Variants in RNF157 observed in about 807,000 individuals in gnomAD.
RNF157 encodes the protein E3 ubiquitin ligase RNF157.
Under a neutral mutation model 88.3 loss-of-function variants are expected in RNF157, and 55 were observed. The observed-to-expected ratio is 0.62, with a 90% confidence interval of 0.50 to 0.78. The LOEUF (loss-of-function observed/expected upper bound fraction) is 0.78. Ranked by LOEUF, RNF157 falls within the 30% of genes least tolerant of loss-of-function variation. RNF157 has a pLI of 0.00. For missense variants in RNF157, 788 were observed against 860.8 expected (o/e 0.92, Z 1.06); for synonymous variants, 334 against 341.2 (o/e 0.98, Z 0.23).
At chr17:76,181,491 G>A (rs2069186832) in intron 2 of RNF157, among the ~76,000 whole-genome samples, 1 of 152,178 alleles carries the variant, frequency 6.6e-6, no homozygotes, top group Admixed American at 6.5e-5. Context: ...GGTGATGTCA[G>A]AGAACACTGC....
At chr17:76,232,159 G>A (rs991280910) in intron 1 of RNF157, among the ~76,000 whole-genome samples, 3 of 152,154 alleles carry the variant, frequency 2.0e-5, no homozygotes, top group African/African-American at 7.2e-5. Flanking sequence ...GAGGCTGAAG[G>A]ATGGCTCAAG....
intron 2 of RNF157, among the ~76,000 whole-genome samples, chr17:76,189,231 T>C (rs2069342701): frequency 1.3e-5 from 2 of 152,232 alleles, no homozygotes; most frequent in Non-Finnish European, 1.5e-5. Context: ...TCTGGATAAA[T>C]GTGTTGCAGT....
At chr17:76,173,869 A>G (rs777471337) in intron 2 of RNF157, 79 bp from the exon 3 acceptor site, 1 of 1,222,686 alleles carries the variant, frequency 8.2e-7, no homozygotes, top group Admixed American at 2.0e-5. Flanking sequence ...GTTTGCCAAG[A>G]ATAGCCCTAA....
chr17:76,162,618 G>T lies in RNF157; in HGVS notation c.726C>A (p.Asp242Glu), dbSNP rs750091733. Residue 242 changes from aspartate to glutamate, a missense_variant, in exon 9 of 19, where the codon GAC becomes GAA. Coordinates refer to ENST00000269391, the MANE Select transcript of RNF157 (RefSeq NM_052916.3). ...VKPLKQKQVV[D>E]GVSYLLQEIY... ...TCTCCTGAAGGAGGTAGCTGACCCC[G>T]TCTACCTGAACAGCAAACAGAAAGG... The T allele has an allele frequency of 6.2e-7, 1 of 1,610,230 alleles. No homozygotes were observed. Among genetic ancestry groups the T allele is most frequent in the African/African-American group, 1.3e-5 (1 of 74,764 alleles).
chr17:76,216,554 C>T (rs2069891704), intron 1 of RNF157, among the ~76,000 whole-genome samples: 1 of 149,892 alleles, frequency 6.7e-6, no homozygotes, highest in Non-Finnish European at 1.5e-5. Flanking sequence ...CAAGACCAGC[C>T]TAGGCAACAT....
intron 1 of RNF157, among the ~76,000 whole-genome samples, chr17:76,213,980 A>T (rs2069846399): frequency 6.6e-6 from 1 of 152,062 alleles, no homozygotes; most frequent in African/African-American, 2.4e-5. Flanking sequence ...TATCCTTTGT[A>T]ATATCCTTGA....
In RNF157 at chr17:76,169,579, G is replaced by GTTT. The variant is rs558817508; in HGVS notation, c.297-1785_297-1783dup. Among the ~76,000 whole-genome samples, 932 of 133,458 alleles carry GTTT rather than the reference G, an allele frequency of 7.0e-3. 12 individuals are homozygous for GTTT. Among genetic ancestry groups the GTTT allele is most frequent in the African/African-American group, 0.025 (871 of 35,530 alleles). 87.6% of individuals were successfully genotyped at this position (133,458 alleles called of 152,430 possible). On this transcript the variant is annotated intron_variant, in intron 3 of 18. Transcript: ENST00000269391. ...GAGCCACCACACCCGGCCTAGTTAG[G>GTTT]TTTTTTTTTTTTTTTTTTGAGATGA... is the stretch of plus-strand genomic sequence containing the variant.
chr17:76,166,700 T>TTA (rs1235888506), intron 5 of RNF157, among the ~76,000 whole-genome samples, 173 bp from the exon 6 acceptor site: 4 of 152,218 alleles, frequency 2.6e-5, no homozygotes, highest in African/African-American at 9.6e-5. Flanking sequence ...AGCTGCTTTT[T>TTA]AAAAATGTCA....
chr17:76,214,659 A>G (rs2069858603), intron 1 of RNF157, among the ~76,000 whole-genome samples: 1 of 152,218 alleles, frequency 6.6e-6, no homozygotes, highest in Non-Finnish European at 1.5e-5. Flanking sequence ...CTCCACCTCA[A>G]ATTCATTAAC....
At chr17:76,208,627 T>A (rs1428654664) in intron 2 of RNF157, among the ~76,000 whole-genome samples, 1 of 152,208 alleles carries the variant, frequency 6.6e-6, no homozygotes, top group Non-Finnish European at 1.5e-5. Flanking sequence ...TACATTTTTA[T>A]GCAGCTATAT....
At chr17:76,221,756 G>A (rs891606244) in intron 1 of RNF157, among the ~76,000 whole-genome samples, 10 of 152,270 alleles carry the variant, frequency 6.6e-5, no homozygotes, top group African/African-American at 2.2e-4. Flanking sequence ...GGAAACAAAT[G>A]TCAAACAACA....
At chr17:76,200,019 C>T (rs1055800401) in intron 2 of RNF157, among the ~76,000 whole-genome samples, 3 of 151,862 alleles carry the variant, frequency 2.0e-5, no homozygotes, top group South Asian at 2.1e-4. Flanking sequence ...GGGCGGATCA[C>T]GAGGTCAGGA....
intron 9 of RNF157, 127 bp from the exon 10 acceptor site, chr17:76,162,129 G>A: frequency 1.0e-6 from 1 of 953,408 alleles, no homozygotes; most frequent in Non-Finnish European, 1.5e-6. Flanking sequence ...CATTGACATT[G>A]GACTTTGTCA....
At chr17:76,211,851 T>C (rs2145024194) in intron 2 of RNF157, 1 of 152,518 alleles carries the variant, frequency 6.6e-6, no homozygotes, top group South Asian at 2.1e-4. Context: ...TGTATTCTCA[T>C]ATCAACTCAT....
chr17:76,162,074 C>G, intron 9 of RNF157, 72 bp from the exon 10 acceptor site: 1 of 1,491,096 alleles, frequency 6.7e-7, no homozygotes, highest in Non-Finnish European at 9.2e-7. Context: ...GACAAGGCAG[C>G]GTGGCTGAAG....
chr17:76,233,095 T>C (rs1456524995), intron 1 of RNF157, among the ~76,000 whole-genome samples: 6 of 152,102 alleles, frequency 3.9e-5, no homozygotes, highest in Non-Finnish European at 8.8e-5. Context: ...TAATTTTTTG[T>C]ATTTTTAGCA....
intron 3 of RNF157, among the ~76,000 whole-genome samples, chr17:76,168,310 C>A (rs1409728275): frequency 1.3e-5 from 2 of 152,188 alleles, no homozygotes; most frequent in African/African-American, 2.4e-5. Flanking sequence ...AGTGTAGCTG[C>A]ATCATGATTT....
chr17:76,165,919 C>T (rs2068916808), intron 6 of RNF157, among the ~76,000 whole-genome samples: 1 of 152,096 alleles, frequency 6.6e-6, no homozygotes, highest in Non-Finnish European at 1.5e-5. Context: ...TTCAGGTGAT[C>T]TGCCCGCCTC....
intron 2 of RNF157, among the ~76,000 whole-genome samples, chr17:76,205,149 T>A (rs1349806274): frequency 6.6e-6 from 1 of 151,236 alleles, no homozygotes; most frequent in Non-Finnish European, 1.5e-5. Flanking sequence ...TTCTTTCTTT[T>A]TTTTTTTTTG....
Sources: allele counts gnomAD v4.1 joint callset (sites outside exome capture counted in the v4.1 genomes callset), GRCh38; gene constraint gnomAD v4.1.1; transcripts MANE v1.5; gene names NCBI Gene and HGNC (gene_info 2026-07-23, HGNC 2026-07-21).